The following DDX60 variants were observed in gnomAD, a reference collection of about 807,000 sequenced individuals.
DDX60 encodes probable ATP-dependent RNA helicase DDX60.
Under a neutral mutation model 212.8 loss-of-function variants are expected in DDX60, and 165 were observed. The observed-to-expected ratio is 0.78, with a 90% CI of 0.68 to 0.88. DDX60 has a LOEUF of 0.88. Ranked by LOEUF, DDX60 falls within the 40% of genes least tolerant of loss-of-function variation. DDX60 has a pLI of 0.00. For synonymous variants in DDX60, 703 were observed against 685.3 expected (o/e 1.03, Z -0.40); for missense variants, 1,905 against 2,003.9 (o/e 0.95, Z 0.94).
chr4:168,260,263 T>C (rs1734572351), intron 25 of DDX60, among the ~76,000 whole-genome samples: 2 of 151,962 alleles, frequency 1.3e-5, no homozygotes, highest in Admixed American at 1.3e-4. Flanking sequence ...ATCCCTCCCC[T>C]CTCCCACCAC....
chr4:168,272,825 T>C (rs1735162224), intron 18 of DDX60, among the ~76,000 whole-genome samples: 1 of 152,240 alleles, frequency 6.6e-6, no homozygotes, highest in Non-Finnish European at 1.5e-5. Context: ...CATTCTTATT[T>C]AGTCTTAATT....
chr4:168,261,477 C>A (rs1465231445), intron 24 of DDX60, among the ~76,000 whole-genome samples: 1 of 152,150 alleles, frequency 6.6e-6, no homozygotes, highest in Non-Finnish European at 1.5e-5. Context: ...TAATATATGT[C>A]ATTCCTCAAT....
rs759054592 is a variant in DDX60, at chr4:168,270,875, C to CTTTTTT, written c.2670+1162_2670+1167dup. 8.3e-4 allele frequency among the ~76,000 whole-genome samples: 92 copies of CTTTTTT among 110,852 alleles called. 2 individuals are homozygous for CTTTTTT. Among genetic ancestry groups the CTTTTTT allele is most frequent in the Non-Finnish European group, 1.1e-3 (63 of 55,936 alleles). 72.7% of individuals were successfully genotyped at this position (110,852 alleles called of 152,430 possible). A position where few individuals can be genotyped will look rare whatever the true frequency, so the allele number is the denominator to read the frequency against. On this transcript the variant is annotated intron_variant, in intron 19 of 37. Coordinates refer to ENST00000393743, the MANE Select transcript of DDX60 (RefSeq NM_017631.6). Reference sequence around the variant, plus strand: ...TATTCCCCCTTTTTTTTCTTTCTTTCTTTTTTTTTTTTTTTTTTTGGAGAT... The same window carrying CTTTTTT: ...TATTCCCCCTTTTTTTTCTTTCTTTCTTTTTTTTTTTTTTTTTTTTTTTTTGGAGAT...
At chr4:168,255,643 C>G (rs1012882305) in intron 26 of DDX60, 68 bp downstream of exon 26, 20 of 1,320,692 alleles carry the variant, frequency 1.5e-5, no homozygotes, top group Non-Finnish European at 2.0e-5. Context: ...ATTCAATTTA[C>G]GTTTCCTACT....
chr4:168,275,418 C>T lies in DDX60; in HGVS notation c.2231G>A (p.Gly744Asp). The T allele has an allele frequency of 6.2e-7, 1 of 1,612,714 alleles. No homozygotes were observed. The highest frequency in any genetic ancestry group is 8.5e-7 in the Non-Finnish European group (1 of 1,179,376). ...GPARFQLQYM[G>D]HYLIRDERKD... The stretch of plus-strand genomic sequence containing the variant: ...TCTCTCATCTCGTATCAAATAATGG[C>T]CCATGTATTGCAGTTGGAACCGAGC... Residue 744 changes from glycine (G) to aspartate (D), a missense_variant, in exon 16 of 38, where the codon GGC becomes GAC. By Grantham distance (94) the Gly-to-Asp change is moderately conservative (BLOSUM62 -1). Coordinates refer to ENST00000393743, the MANE Select transcript of DDX60 (RefSeq NM_017631.6).
chr4:168,246,332 G>C (rs1328493797), intron 30 of DDX60, 86 bp downstream of exon 30: 1 of 1,489,110 alleles, frequency 6.7e-7, no homozygotes, highest in Non-Finnish European at 9.3e-7. Flanking sequence ...AAGGGTGATT[G>C]CTACAGACTT....
At chr4:168,260,563 G>A (rs1734586003) in intron 25 of DDX60, among the ~76,000 whole-genome samples, 1 of 152,034 alleles carries the variant, frequency 6.6e-6, no homozygotes, top group South Asian at 2.1e-4. Context: ...GGATCGAGGG[G>A]GATGGTTTCA....
chr4:168,227,653 T>C (rs28715080), intron 33 of DDX60, among the ~76,000 whole-genome samples: 1 of 151,932 alleles, frequency 6.6e-6, no homozygotes, highest in African/African-American at 2.4e-5. Flanking sequence ...TAAAGTTTAA[T>C]TCATTGACTT....
chr4:168,237,196 TA>T, intron 32 of DDX60, 89 bp downstream of exon 32: 3 of 923,672 alleles, frequency 3.2e-6, no homozygotes, highest in Non-Finnish European at 4.4e-6. Flanking sequence ...TTTTCTTTAT[TA>T]AAAATATTCC....
intron 33 of DDX60, 98 bp downstream of exon 33, chr4:168,236,154 G>A: frequency 8.9e-7 from 1 of 1,125,086 alleles, no homozygotes; most frequent in South Asian, 1.5e-5. Context: ...CAAATGAACT[G>A]CCCTTTGAAT....
intron 30 of DDX60, among the ~76,000 whole-genome samples, chr4:168,239,627 T>G (rs995535203): frequency 3.3e-5 from 5 of 152,046 alleles, no homozygotes; most frequent in African/African-American, 1.2e-4. Context: ...GAGCAAAGAA[T>G]TTAATGTGGT....
chr4:168,275,905 T>G, intron 15 of DDX60, 110 bp downstream of exon 15: 1 of 1,021,522 alleles, frequency 9.8e-7, no homozygotes, highest in Non-Finnish European at 1.4e-6. Context: ...AATAATAGTA[T>G]TTTCAGTAAA....
intron 22 of DDX60, chr4:168,263,753 C>T (rs1051477878): frequency 6.6e-6 from 1 of 152,112 alleles, no homozygotes; most frequent in African/African-American, 2.4e-5. Flanking sequence ...AGGGCCTTGA[C>T]CTTGGACTTC....
intron 1 of DDX60, among the ~76,000 whole-genome samples, chr4:168,312,460 T>C (rs1474675999): frequency 6.6e-6 from 1 of 152,060 alleles, no homozygotes; most frequent in African/African-American, 2.4e-5. Context: ...GACAGCATCA[T>C]GGGAGAAGAG....
chr4:168,313,410 T>C (rs1737227708), intron 1 of DDX60, among the ~76,000 whole-genome samples: 1 of 152,102 alleles, frequency 6.6e-6, no homozygotes, highest in Non-Finnish European at 1.5e-5. Flanking sequence ...ATTGGAAAGG[T>C]AGGTTAGAAC....
chr4:168,235,543 G>GCATTC (rs1009832636), intron 33 of DDX60, among the ~76,000 whole-genome samples: 2 of 152,012 alleles, frequency 1.3e-5, no homozygotes, highest in African/African-American at 4.8e-5. Flanking sequence ...GCTCTAGAGG[G>GCATTC]CATTCTGTGA....
Position 168,224,350 on chromosome 4 carries a change from C to A in DDX60, c.4717G>T (p.Val1573Leu), listed in dbSNP as rs960216493. 1.2e-6 allele frequency: 2 copies of A among 1,611,786 alleles called. No individual in the cohort carries two copies. The highest frequency in any genetic ancestry group is 2.2e-5 in the East Asian group (1 of 44,746). ...TCCTTGCAGCTCATCAAATGAGATACGAGTTGAGAGTCTTCACATTCTTTA... is the reference window on the plus strand; with the variant it reads ...TCCTTGCAGCTCATCAAATGAGATAAGAGTTGAGAGTCTTCACATTCTTTA... Reference protein sequence around the residue: ...TGKECEDSQLVSHLMSCKEGR... With the variant: ...TGKECEDSQLLSHLMSCKEGR... Residue 1573 changes from valine (V) to leucine (L), a missense_variant, in exon 35 of 38, where the codon GTA becomes TTA. Coordinates refer to ENST00000393743, the MANE Select transcript of DDX60 (RefSeq NM_017631.6).
chr4:168,252,726 C>A, intron 26 of DDX60, 70 bp from the exon 27 acceptor site: 2 of 1,316,514 alleles, frequency 1.5e-6, no homozygotes, highest in Admixed American at 2.0e-5. Context: ...TTTGATTTGG[C>A]CACCAGAGGA....
chr4:168,282,689 G>A (rs1357381944), intron 13 of DDX60, among the ~76,000 whole-genome samples: 3 of 152,016 alleles, frequency 2.0e-5, no homozygotes, highest in Admixed American at 6.6e-5. Flanking sequence ...AGCCTGATGA[G>A]TTTTCCATTT....
Sources: gnomAD v4.1 joint callset for allele counts (sites outside exome capture counted in the v4.1 genomes callset) on GRCh38, gnomAD v4.1.1 for gene constraint, MANE v1.5 for transcripts, NCBI Gene and HGNC (gene_info 2026-07-23, HGNC 2026-07-21) for gene names.